ATXN1: variants seen among roughly 807,000 people sequenced by gnomAD.
ATXN1 encodes ataxin-1.
In ATXN1, 8 loss-of-function variants were observed where a neutral mutation model predicts 56.4. The ratio of observed to expected loss-of-function variants is 0.14; its 90% CI spans 0.08 to 0.26. ATXN1 has a LOEUF of 0.26. Ranked by LOEUF, ATXN1 falls within the 10% of genes least tolerant of loss-of-function variation. ATXN1 has a pLI of 1.00. For synonymous variants in ATXN1, 514 were observed against 494.6 expected (o/e 1.04, Z -0.52); for missense variants, 987 against 1,106.5 (o/e 0.89, Z 1.53).
intron 3 of ATXN1, among the ~76,000 whole-genome samples, chr6:16,606,777 C>G (rs1405056855): frequency 6.6e-6 from 1 of 151,770 alleles, no homozygotes; most frequent in Non-Finnish European, 1.5e-5. Flanking sequence ...ATCCGCCCGC[C>G]TCAGCCTCCC....
chr6:16,541,046 T>A lies in ATXN1; in HGVS notation c.-360-18358A>T, dbSNP rs556033610. On this transcript the variant is annotated intron_variant, in intron 4 of 7. Transcript: ENST00000436367. ...AACTAAACCAGTGGTTTAAAAAAAA[T>A]TTTTTTTAACCACAGGACCTTTCTA... is the stretch of plus-strand genomic sequence containing the variant. 2.7e-4 allele frequency among the ~76,000 whole-genome samples: 41 copies of A among 152,154 alleles called. 1 individual carries two copies. Among genetic ancestry groups the A allele is most frequent in the South Asian group, 1.7e-3 (8 of 4,808 alleles).
chr6:16,312,693 T>C (rs1473724454), intron 7 of ATXN1, among the ~76,000 whole-genome samples: 3 of 152,022 alleles, frequency 2.0e-5, no homozygotes, highest in Admixed American at 1.3e-4. Flanking sequence ...TTAAAAATAC[T>C]AAAGACTGAA....
chr6:16,320,993 G>A (rs1387036126), intron 7 of ATXN1, among the ~76,000 whole-genome samples: 1 of 152,136 alleles, frequency 6.6e-6, no homozygotes, highest in Non-Finnish European at 1.5e-5. Context: ...AGAACACGAG[G>A]CCTTTGATTT....
intron 2 of ATXN1, among the ~76,000 whole-genome samples, chr6:16,732,123 T>G (rs1239531781): frequency 6.6e-6 from 1 of 152,170 alleles, no homozygotes; most frequent in Non-Finnish European, 1.5e-5. Flanking sequence ...TTTTTCATAT[T>G]TGAAGCTTTA....
At chr6:16,399,048 A>G (rs1758512794) in intron 6 of ATXN1, among the ~76,000 whole-genome samples, 1 of 152,196 alleles carries the variant, frequency 6.6e-6, no homozygotes, top group East Asian at 1.9e-4. Context: ...AAACCTTCAG[A>G]TGTTTTCTCA....
intron 3 of ATXN1, among the ~76,000 whole-genome samples, chr6:16,635,544 T>C (rs1363615715): frequency 6.6e-6 from 1 of 152,122 alleles, no homozygotes; most frequent in East Asian, 1.9e-4. Context: ...GAGAGCTAAC[T>C]AAACAACTAA....
chr6:16,609,533 C>T (rs954914554), intron 3 of ATXN1, among the ~76,000 whole-genome samples: 12 of 152,214 alleles, frequency 7.9e-5, no homozygotes, highest in African/African-American at 2.9e-4. Context: ...CAGCTCCCTA[C>T]AAATTTGTGC....
At chr6:16,727,049 C>T (rs1413774402) in intron 2 of ATXN1, among the ~76,000 whole-genome samples, 1 of 152,130 alleles carries the variant, frequency 6.6e-6, no homozygotes, top group Non-Finnish European at 1.5e-5. Context: ...ACTTATTACC[C>T]TAAAGCCTTT....
chr6:16,397,422 C>T (rs949242362), intron 6 of ATXN1, among the ~76,000 whole-genome samples: 2 of 152,096 alleles, frequency 1.3e-5, no homozygotes, highest in African/African-American at 4.8e-5. Flanking sequence ...CACCACCATG[C>T]CCGGCTAGTA....
At position 16,328,288 on chromosome 6, in the gene ATXN1, C is replaced by T. The variant is rs1316779489; in HGVS notation, c.23G>A (p.Ser8Asn). ...CTTCTTGGGAGGCAGGCATTCGTTGCTCCGCTCTTGGTTGGATTTCATTTT... is the reference window on the plus strand; with the variant it reads ...CTTCTTGGGAGGCAGGCATTCGTTGTTCCGCTCTTGGTTGGATTTCATTTT... MKSNQER[S>N]NECLPPKKRE... is the part of the protein sequence containing the mutation. Residue 8 changes from serine (S) to asparagine (N), a missense_variant, in exon 7 of 8, where the codon AGC (serine) becomes AAC (asparagine). Transcript: ENST00000436367. This position sits in a 1 kb window ranked among gnomAD's most constrained non-coding sequence, Gnocchi z 6.2. The T allele has an allele frequency of 2.6e-6, 4 of 1,515,340 alleles. No individual in the cohort carries two copies. The highest frequency in any genetic ancestry group is 3.5e-6 in the Non-Finnish European group (4 of 1,136,062). The allele number at this position is 1,515,340 out of a possible 1,614,324, so 93.9% of individuals were successfully genotyped here.
intron 6 of ATXN1, among the ~76,000 whole-genome samples, chr6:16,411,125 C>CAAAAAAAAAAAAAAAAAAAAAAAAA (rs746717153): frequency 2.5e-5 from 2 of 80,666 alleles, no homozygotes; most frequent in Admixed American, 1.5e-4. Context: ...ACCTCTGTGT[C>CAAAAAAAAAAAAAAAAAAAAAAAAA]AAAAAAAAAA....
At chr6:16,396,272 CT>C (rs111829323) in intron 6 of ATXN1, among the ~76,000 whole-genome samples, 1 of 151,052 alleles carries the variant, frequency 6.6e-6, no homozygotes, top group Non-Finnish European at 1.5e-5. Flanking sequence ...AAAAAAAAAA[CT>C]TTTTTTAATA....
intron 5 of ATXN1, among the ~76,000 whole-genome samples, chr6:16,512,258 T>C (rs1043655018): frequency 6.6e-6 from 1 of 152,236 alleles, no homozygotes; most frequent in Non-Finnish European, 1.5e-5. Flanking sequence ...TTTGTTTGAG[T>C]ATCCGTAAAT....
chr6:16,735,108 C>A (rs1392629752), intron 2 of ATXN1, among the ~76,000 whole-genome samples: 1 of 152,122 alleles, frequency 6.6e-6, no homozygotes, highest in African/African-American at 2.4e-5. Context: ...AGCACAGGGT[C>A]TAAGGTTAAA....
In ATXN1 at chr6:16,527,221, G is replaced by A. The variant is rs150703935; in HGVS notation, c.-360-4533C>T. Among the ~76,000 whole-genome samples the A allele has an allele frequency of 2.8e-3, 424 of 152,126 alleles. 2 individuals carry two copies. The highest frequency in any genetic ancestry group is 9.8e-3 in the African/African-American group (405 of 41,478). On this transcript the variant is annotated intron_variant, in intron 4 of 7. Coordinates refer to ENST00000436367, the MANE Select transcript of ATXN1 (RefSeq NM_001128164.2). ...AATTAAGGGTGCCATACCTCCCCCC[G>A]CGACTAGTGACATTCCAGGAAAATC...
intron 4 of ATXN1, among the ~76,000 whole-genome samples, chr6:16,533,419 T>C (rs16878425): frequency 0.054 from 8,214 of 152,230 alleles, 381 homozygotes; most frequent in African/African-American, 0.13. Context: ...TAGGAATCAC[T>C]TGGACTAAAA....
At chr6:16,486,467 G>T (rs1404883975) in intron 5 of ATXN1, among the ~76,000 whole-genome samples, 1 of 152,182 alleles carries the variant, frequency 6.6e-6, no homozygotes, top group Admixed American at 6.5e-5. Flanking sequence ...TCATGGAGAA[G>T]ATCAAGAAGA....
At chr6:16,400,546 A>G (rs150474730) in intron 6 of ATXN1, among the ~76,000 whole-genome samples, 1 of 152,356 alleles carries the variant, frequency 6.6e-6, no homozygotes, top group Non-Finnish European at 1.5e-5. Flanking sequence ...CAACTGTGGA[A>G]TTCTCCAGTG....
chr6:16,452,246 T>A (rs1471534629), intron 6 of ATXN1, among the ~76,000 whole-genome samples: 1 of 152,170 alleles, frequency 6.6e-6, no homozygotes, highest in Non-Finnish European at 1.5e-5. Flanking sequence ...TTTCTCCGAG[T>A]TCAGGGTGTA....
Sources: gnomAD v4.1 joint callset for allele counts (sites outside exome capture counted in the v4.1 genomes callset) on GRCh38, gnomAD v4.1.1 for gene constraint, Gnocchi (gnomAD v3.1) non-coding constraint, MANE v1.5 for transcripts, NCBI Gene and HGNC (gene_info 2026-07-23, HGNC 2026-07-21) for gene names.